Variants in RBFOX1 observed in about 807,000 individuals in gnomAD.
RBFOX1 encodes the protein RNA binding fox-1 homolog 1.
In RBFOX1, 8 loss-of-function variants were observed where a neutral mutation model predicts 57.7. The observed-to-expected ratio is 0.14, with a 90% CI of 0.08 to 0.25. The LOEUF (loss-of-function observed/expected upper bound fraction) is 0.25, where lower values mean the gene tolerates loss of function less well. Ranked by LOEUF, RBFOX1 falls within the 10% of genes least tolerant of loss-of-function variation. The pLI is 1.00. For missense variants in RBFOX1, 611 were observed against 548.5 expected, an observed-to-expected ratio of 1.11 and a Z score of -1.14; for synonymous variants, 326 against 222.4, an observed-to-expected ratio of 1.47 and a Z score of -4.15.
intron 4 of RBFOX1, chr16:7,332,692 A>G: frequency 2.2e-6 from 2 of 913,584 alleles, no homozygotes; most frequent in Non-Finnish European, 2.8e-6. Flanking sequence ...CTCTCTGAGA[A>G]CTAAATTAAT....
intron 13 of RBFOX1, among the ~76,000 whole-genome samples, chr16:7,666,159 A>G (rs1410320964): frequency 6.6e-6 from 1 of 152,136 alleles, no homozygotes; most frequent in African/African-American, 2.4e-5. Context: ...GGGGCTGAGC[A>G]GTCTGAAGCC....
intron 3 of RBFOX1, among the ~76,000 whole-genome samples, chr16:6,959,709 G>C (rs1187875800): frequency 1.3e-5 from 2 of 152,130 alleles, no homozygotes; most frequent in East Asian, 3.9e-4. Context: ...GGCTGAGGTA[G>C]GCGGATCACC....
chr16:7,549,722 T>A (rs1054417244), intron 5 of RBFOX1, among the ~76,000 whole-genome samples: 4 of 152,168 alleles, frequency 2.6e-5, no homozygotes, highest in African/African-American at 9.7e-5. Context: ...TTCCACCTTC[T>A]TCTGCCTGCC....
chr16:7,355,163 C>A (rs771490504), intron 4 of RBFOX1, among the ~76,000 whole-genome samples: 31 of 152,144 alleles, frequency 2.0e-4, no homozygotes, highest in Non-Finnish European at 2.8e-4. Flanking sequence ...TGCTGAAGTC[C>A]CAGGGCATTG....
intron 1 of RBFOX1, among the ~76,000 whole-genome samples, chr16:6,277,253 G>C (rs2075897152): frequency 6.6e-6 from 1 of 151,950 alleles, no homozygotes; most frequent in Non-Finnish European, 1.5e-5. Flanking sequence ...TTCACCCTAG[G>C]AGTTTGAGAC....
chr16:6,310,165 C>T (rs951316749), intron 1 of RBFOX1, among the ~76,000 whole-genome samples: 3 of 152,204 alleles, frequency 2.0e-5, no homozygotes, highest in East Asian at 3.9e-4. Flanking sequence ...GGATTACAGG[C>T]GTGAGCCACC....
chr16:7,164,645 C>G lies in RBFOX1; in HGVS notation c.27+112547C>G, dbSNP rs1373803727. Among the ~76,000 whole-genome samples, 14 of 152,216 alleles carry G rather than the reference C, an allele frequency of 9.2e-5. No homozygotes were observed. The South Asian group carries it at 1.7e-3, about 18-fold the overall frequency. On this transcript the variant is annotated intron_variant, in intron 4 of 15. Coordinates refer to ENST00000550418, the MANE Select transcript of RBFOX1 (RefSeq NM_018723.4). ...TTTCTTTTCTGTGTATACACACACA[C>G]AAATACAAACACACACAATGACATT...
At chr16:5,684,161 T>A (rs2050431760) in intron 3 of RBFOX1, among the ~76,000 whole-genome samples, 1 of 152,184 alleles carries the variant, frequency 6.6e-6, no homozygotes, top group Non-Finnish European at 1.5e-5. Context: ...TCTCATCCTA[T>A]ATCTAAAAAG....
chr16:7,264,875 T>G (rs901027691), intron 4 of RBFOX1, among the ~76,000 whole-genome samples: 1 of 152,202 alleles, frequency 6.6e-6, no homozygotes, highest in Non-Finnish European at 1.5e-5. Flanking sequence ...GATACATGAC[T>G]ATTTGAGACA....
intron 2 of RBFOX1, among the ~76,000 whole-genome samples, chr16:6,652,813 A>C (rs924527676): frequency 6.6e-6 from 1 of 152,102 alleles, no homozygotes; most frequent in Non-Finnish European, 1.5e-5. Flanking sequence ...AAATGAAAAA[A>C]TTCTGGAGAT....
intron 1 of RBFOX1, among the ~76,000 whole-genome samples, chr16:5,367,862 C>A (rs1186258321): frequency 6.6e-6 from 1 of 152,134 alleles, no homozygotes; most frequent in East Asian, 1.9e-4. Flanking sequence ...TAACCTCCAG[C>A]AAGAGGAGGT....
intron 1 of RBFOX1, among the ~76,000 whole-genome samples, chr16:6,154,775 T>C (rs1038174597): frequency 4.6e-5 from 7 of 152,214 alleles, no homozygotes; most frequent in African/African-American, 1.7e-4. Flanking sequence ...GTCTTTCTCA[T>C]TACTAATGTG....
chr16:5,729,281 C>T (rs1476269955), intron 3 of RBFOX1, among the ~76,000 whole-genome samples: 1 of 151,924 alleles, frequency 6.6e-6, no homozygotes, highest in Admixed American at 6.6e-5. Flanking sequence ...TAAATCAGAG[C>T]TGGAAGCAAA....
chr16:6,757,769 A>T (rs1603586610), intron 3 of RBFOX1, among the ~76,000 whole-genome samples: 1 of 152,166 alleles, frequency 6.6e-6, no homozygotes, highest in East Asian at 1.9e-4. Context: ...TTTATTGTAC[A>T]TTTCAAAGTA....
At position 5,501,663 on chromosome 16, in the gene RBFOX1, C is replaced by T. The variant is rs186601420; in HGVS notation, c.258+34409C>T. Among the ~76,000 whole-genome samples the T allele has an allele frequency of 3.6e-4, 55 of 152,266 alleles. No individual in the cohort carries two copies. In the East Asian group the frequency reaches 9.4e-3, roughly 26 times the overall value. On this transcript the variant is annotated intron_variant, in intron 2 of 2. Transcript: ENST00000585867. ...AAATGAGATGATGCCGTCAAATCTCCAAACACAGTTCATGGTGTGTGGGTA... is the reference window on the plus strand; with the variant it reads ...AAATGAGATGATGCCGTCAAATCTCTAAACACAGTTCATGGTGTGTGGGTA...
chr16:6,303,374 G>A (rs1273400770), intron 1 of RBFOX1, among the ~76,000 whole-genome samples: 1 of 151,920 alleles, frequency 6.6e-6, no homozygotes, highest in East Asian at 1.9e-4. Context: ...CAGAGTGGAG[G>A]ATGGCTTTCT....
intron 3 of RBFOX1, among the ~76,000 whole-genome samples, chr16:7,006,637 A>G (rs886704816): frequency 6.6e-6 from 1 of 152,048 alleles, no homozygotes; most frequent in Non-Finnish European, 1.5e-5. Context: ...TTATAGAGAC[A>G]AGGTCTCCCT....
intron 3 of RBFOX1, among the ~76,000 whole-genome samples, chr16:5,670,337 A>C (rs995169935): frequency 2.0e-5 from 3 of 152,208 alleles, no homozygotes; most frequent in African/African-American, 7.2e-5. Flanking sequence ...CCACAGTCAA[A>C]ATAAATATTA....
intron 2 of RBFOX1, among the ~76,000 whole-genome samples, chr16:6,458,244 C>T (rs915276191): frequency 6.7e-6 from 1 of 150,126 alleles, no homozygotes; most frequent in Non-Finnish European, 1.5e-5. Flanking sequence ...ACCTTGCTGG[C>T]ATCACTCAGG....
Sources: allele counts gnomAD v4.1 joint callset (sites outside exome capture counted in the v4.1 genomes callset), GRCh38; gene constraint gnomAD v4.1.1; transcripts MANE v1.5; gene names NCBI Gene and HGNC (gene_info 2026-07-23, HGNC 2026-07-21).